The following LGR4 variants were observed in gnomAD, a reference collection of about 807,000 sequenced individuals.
LGR4 encodes the protein leucine-rich repeat-containing G protein-coupled receptor 4.
A neutral mutation model predicts 84.8 loss-of-function variants in LGR4; 44 were observed. The ratio of observed to expected loss-of-function variants is 0.52; its 90% CI spans 0.41 to 0.67. The LOEUF is 0.67. Among genes scored for constraint, LGR4 ranks in the 30% least tolerant of loss-of-function variants. The pLI is 0.00. For synonymous variants in LGR4, 429 were observed against 434.3 expected, an observed-to-expected ratio of 0.99 and a Z score of 0.15; for missense variants, 1,032 against 1,131.4, an observed-to-expected ratio of 0.91 and a Z score of 1.26.
Position 27,366,598 on chromosome 11 carries a change from C to T in LGR4, c.*1269G>A, listed in dbSNP as rs1001087776. The stretch of plus-strand genomic sequence containing the variant: ...TTGATTTAGCACACTGTTCAAAAAA[C>T]ATATTGAACAATTATAACTTTAAGA... On this transcript the variant is annotated 3_prime_UTR_variant, in exon 18 of 18. Coordinates refer to ENST00000379214, the MANE Select transcript of LGR4 (RefSeq NM_018490.5). 1 of 152,484 alleles carries T rather than the reference C, an allele frequency of 6.6e-6. No individual in the cohort carries two copies. The highest frequency in any genetic ancestry group is 2.4e-5 in the African/African-American group (1 of 41,426). The allele number at this position is 152,484 out of a possible 1,614,324, so 9.4% of individuals were successfully genotyped here.
At chr11:27,382,054 G>A (rs1037068747) in intron 7 of LGR4, 134 bp downstream of exon 7, 1 of 633,950 alleles carries the variant, frequency 1.6e-6, no homozygotes, top group African/African-American at 1.8e-5. Flanking sequence ...CCAACTTTAT[G>A]ATTATTTGTG....
intron 1 of LGR4, among the ~76,000 whole-genome samples, chr11:27,436,364 A>AGAAG (rs1864208932): frequency 7.0e-6 from 1 of 143,518 alleles, no homozygotes; most frequent in Non-Finnish European, 1.5e-5. Flanking sequence ...AAAGAAAGAA[A>AGAAG]GAAAGAAAGA....
Position 27,373,548 on chromosome 11 carries a change from C to A in LGR4, c.1379+3G>T. The stretch of plus-strand genomic sequence containing the variant: ...CAAAAAAGAAAAATAAGCAAAAACA[C>A]ACCTGAGGTTAACAAAGTCTTTTGC... On this transcript the variant is annotated splice_donor_region_variant and intron_variant, in intron 15 of 17. Transcript: ENST00000379214. 6.5e-7 allele frequency: 1 copy of A among 1,550,258 alleles called. No homozygotes were observed. The highest frequency in any genetic ancestry group is 8.7e-7 in the Non-Finnish European group (1 of 1,145,442).
chr11:27,463,502 T>G (rs1864722000), intron 1 of LGR4, among the ~76,000 whole-genome samples: 1 of 151,940 alleles, frequency 6.6e-6, no homozygotes, highest in African/African-American at 2.4e-5. Flanking sequence ...AACATGACAC[T>G]TGGCTGGGCG....
intron 1 of LGR4, among the ~76,000 whole-genome samples, chr11:27,425,982 T>C (rs1407154448): frequency 1.3e-5 from 2 of 152,200 alleles, no homozygotes; most frequent in Non-Finnish European, 2.9e-5. Flanking sequence ...TCTAGTGCCA[T>C]GTGTGGTCAT....
At chr11:27,410,868 ATTCAATTTGG>A (rs1264770719) in intron 2 of LGR4, among the ~76,000 whole-genome samples, 2 of 152,118 alleles carry the variant, frequency 1.3e-5, no homozygotes, top group East Asian at 3.9e-4. Context: ...CAGCAGTCAA[ATTCAATTTGG>A]TTCCAATTAA....
intron 1 of LGR4, among the ~76,000 whole-genome samples, chr11:27,419,551 A>G (rs1863885017): frequency 6.8e-6 from 1 of 147,058 alleles, no homozygotes; most frequent in African/African-American, 2.5e-5. Context: ...ATGACCCAGC[A>G]ATCCTAGACA....
In LGR4 at chr11:27,380,681, C is replaced by G; in HGVS notation, c.861G>C (p.Val287=). 6.2e-7 allele frequency: 1 copy of G among 1,603,554 alleles called. No individual in the cohort carries two copies. The highest frequency in any genetic ancestry group is 1.3e-5 in the African/African-American group (1 of 74,824). ...IHLYDNPLSF[V]GNSAFHNLSD... ...ATAAATTGTGAAATGCTGAGTTCCCCACAAAAGACAGAGGATTATCATACA... is the reference window on the plus strand; with the variant it reads ...ATAAATTGTGAAATGCTGAGTTCCCGACAAAAGACAGAGGATTATCATACA... The change falls in exon 9 of 18, where the codon GTG becomes GTC. Residue 287 remains valine (V), a synonymous_variant. Transcript: ENST00000379214.
intron 1 of LGR4, among the ~76,000 whole-genome samples, chr11:27,440,017 C>CTCCCAAAT (rs1435861500): frequency 1.3e-5 from 2 of 151,690 alleles, no homozygotes; most frequent in Admixed American, 1.3e-4. Flanking sequence ...GCGATTCTCC[C>CTCCCAAAT]ACCTCAGCCT....
At chr11:27,467,819 A>C (rs1399124626) in intron 1 of LGR4, among the ~76,000 whole-genome samples, 1 of 152,222 alleles carries the variant, frequency 6.6e-6, no homozygotes. Flanking sequence ...TTTGGAAAAT[A>C]AAGGACCTAT....
At chr11:27,399,512 CT>C (rs112562367) in intron 2 of LGR4, among the ~76,000 whole-genome samples, 2,055 of 145,214 alleles carry the variant, frequency 0.014, 12 homozygotes, top group Non-Finnish European at 0.018. Context: ...TTGGCAACTA[CT>C]TTTTTTTTTT....
chr11:27,425,278 T>A (rs1448597435), intron 1 of LGR4, among the ~76,000 whole-genome samples: 1 of 151,704 alleles, frequency 6.6e-6, no homozygotes, highest in Non-Finnish European at 1.5e-5. Flanking sequence ...AATAATATAT[T>A]CTGGTTGGCC....
At chr11:27,408,041 T>C (rs967940528) in intron 2 of LGR4, among the ~76,000 whole-genome samples, 4 of 152,154 alleles carry the variant, frequency 2.6e-5, no homozygotes, top group African/African-American at 7.2e-5. Flanking sequence ...GTGCAGAATG[T>C]TTTAAATATG....
intron 1 of LGR4, among the ~76,000 whole-genome samples, chr11:27,426,185 A>G (rs760223499): frequency 1.5e-4 from 23 of 152,216 alleles, no homozygotes; most frequent in Admixed American, 5.2e-4. Context: ...GGGACACCTA[A>G]TAAGTTTCCG....
At chr11:27,471,758 G>C (rs1283644395) in intron 1 of LGR4, 1 of 168,966 alleles carries the variant, frequency 5.9e-6, no homozygotes, top group Non-Finnish European at 1.3e-5. Flanking sequence ...TCATGAGAAG[G>C]GAAGGTCGCG....
intron 1 of LGR4, among the ~76,000 whole-genome samples, chr11:27,433,834 T>C (rs1038785946): frequency 6.6e-6 from 1 of 152,208 alleles, no homozygotes; most frequent in African/African-American, 2.4e-5. Flanking sequence ...CCAATTCCCA[T>C]GGGCCACAGC....
intron 1 of LGR4, among the ~76,000 whole-genome samples, chr11:27,439,901 CTTTT>C (rs1164372130): frequency 7.9e-5 from 8 of 100,726 alleles, no homozygotes; most frequent in Non-Finnish European, 1.6e-4. Context: ...TAGGATTTCT[CTTTT>C]TTTTTTTTTT....
intron 1 of LGR4, among the ~76,000 whole-genome samples, chr11:27,431,154 A>C (rs1864110040): frequency 1.3e-5 from 2 of 152,092 alleles, no homozygotes; most frequent in South Asian, 4.1e-4. Flanking sequence ...ACTTTATTAG[A>C]AAACAAACTT....
intron 1 of LGR4, among the ~76,000 whole-genome samples, chr11:27,423,973 C>T (rs893781824): frequency 5.3e-5 from 8 of 152,240 alleles, no homozygotes; most frequent in South Asian, 2.1e-4. Flanking sequence ...ATAAATTTCA[C>T]GGCAGAACAT....
Sources: allele counts gnomAD v4.1 joint callset (sites outside exome capture counted in the v4.1 genomes callset), GRCh38; gene constraint gnomAD v4.1.1; transcripts MANE v1.5; gene names NCBI Gene and HGNC (gene_info 2026-07-23, HGNC 2026-07-21).